Variants in FGFR2 observed in about 807,000 individuals in gnomAD.
FGFR2 encodes fibroblast growth factor receptor 2, also known as BEK fibroblast growth factor receptor.
Under a neutral mutation model 95.9 loss-of-function variants are expected in FGFR2, and 19 were observed. That is an observed-to-expected ratio of 0.20 (90% CI 0.14 to 0.29). The LOEUF is 0.29. FGFR2 is among the 10% of genes least tolerant of loss of function. The pLI, the probability that FGFR2 is intolerant of heterozygous loss-of-function variation, is 1.00. For synonymous variants in FGFR2, 392 were observed against 393.3 expected, an observed-to-expected ratio of 1.00 and a Z score of 0.04; for missense variants, 707 against 1,056.9, an observed-to-expected ratio of 0.67 and a Z score of 4.59.
intron 15 of FGFR2, among the ~76,000 whole-genome samples, chr10:121,487,114 T>C (rs2133819438): frequency 6.6e-6 from 1 of 152,370 alleles, no homozygotes; most frequent in South Asian, 2.1e-4. Context: ...GGGAAGGACT[T>C]CCGCTCTGGC....
chr10:121,571,265 G>C (rs1858648490), intron 2 of FGFR2, among the ~76,000 whole-genome samples: 1 of 144,044 alleles, frequency 6.9e-6, no homozygotes, highest in Non-Finnish European at 1.5e-5. Context: ...AAAGTGCTGG[G>C]ATTACAGGCG....
intron 2 of FGFR2, among the ~76,000 whole-genome samples, chr10:121,593,325 T>G (rs1383262812): frequency 6.6e-6 from 1 of 152,232 alleles, no homozygotes; most frequent in Admixed American, 6.5e-5. Flanking sequence ...TGGTTCATCT[T>G]GTCCGAAAAT....
At chr10:121,498,648 A>G (rs200102695) in intron 11 of FGFR2, 43 bp from the exon 12 acceptor site, 1 of 1,518,878 alleles carries the variant, frequency 6.6e-7, no homozygotes, top group Non-Finnish European at 9.1e-7. Context: ...CATTTCCTCT[A>G]ACTCATGGGC....
At chr10:121,540,095 TGAA>T (rs1853476017) in intron 5 of FGFR2, among the ~76,000 whole-genome samples, 1 of 152,196 alleles carries the variant, frequency 6.6e-6, no homozygotes, top group South Asian at 2.1e-4. Flanking sequence ...GATCACTGGA[TGAA>T]GGTTGGCCTC....
chr10:121,513,434 T>C (rs1242905226), intron 9 of FGFR2, among the ~76,000 whole-genome samples: 3 of 152,180 alleles, frequency 2.0e-5, no homozygotes, highest in Non-Finnish European at 2.9e-5. Flanking sequence ...TAAGGGCATC[T>C]TACCCTTCTA....
At chr10:121,481,572 T>C (rs1283536162) in intron 17 of FGFR2, among the ~76,000 whole-genome samples, 1 of 152,162 alleles carries the variant, frequency 6.6e-6, no homozygotes, top group Non-Finnish European at 1.5e-5. Context: ...ACTTTTTGCT[T>C]ACAATGATAA....
At chr10:121,542,591 A>G (rs562837088) in intron 5 of FGFR2, among the ~76,000 whole-genome samples, 2 of 152,348 alleles carry the variant, frequency 1.3e-5, no homozygotes, top group East Asian at 3.9e-4. Context: ...CTGCCAAGTA[A>G]CAGAACAGGA....
chr10:121,501,969 C>G (rs570708825), intron 10 of FGFR2, among the ~76,000 whole-genome samples: 16 of 152,276 alleles, frequency 1.1e-4, no homozygotes, highest in African/African-American at 3.8e-4. Context: ...TTCTAAATAG[C>G]CTTCATTCAT....
intron 2 of FGFR2, among the ~76,000 whole-genome samples, chr10:121,571,653 A>C (rs1277354641): frequency 6.6e-6 from 1 of 151,886 alleles, no homozygotes; most frequent in Non-Finnish European, 1.5e-5. Context: ...CAAACAAACA[A>C]AAACGACTGG....
At chr10:121,489,110 T>TCGC (rs1268171552) in intron 13 of FGFR2, among the ~76,000 whole-genome samples, 1 of 152,170 alleles carries the variant, frequency 6.6e-6, no homozygotes, top group Non-Finnish European at 1.5e-5. Context: ...CTTGTCCTTG[T>TCGC]CGCCCAGGCT....
intron 10 of FGFR2, among the ~76,000 whole-genome samples, chr10:121,501,652 T>C (rs1250340347): frequency 6.6e-6 from 1 of 152,208 alleles, no homozygotes; most frequent in East Asian, 1.9e-4. Context: ...CAAAAGTCTT[T>C]GGAATACTTA....
intron 11 of FGFR2, among the ~76,000 whole-genome samples, chr10:121,499,036 G>C (rs928021669): frequency 1.3e-5 from 2 of 152,098 alleles, no homozygotes; most frequent in Admixed American, 6.5e-5. Flanking sequence ...CCAGCCCCTC[G>C]AGGCCCTTAG....
intron 11 of FGFR2, among the ~76,000 whole-genome samples, chr10:121,500,560 T>C (rs755435219): frequency 4.6e-5 from 7 of 152,222 alleles, no homozygotes; most frequent in African/African-American, 7.2e-5. Flanking sequence ...GAATGAAGAA[T>C]TGTGGTCACG....
At chr10:121,506,460 C>T (rs1246447175) in intron 9 of FGFR2, among the ~76,000 whole-genome samples, 1 of 152,024 alleles carries the variant, frequency 6.6e-6, no homozygotes, top group Admixed American at 6.5e-5. Context: ...TGGCCTGCAG[C>T]GTAGCCCCTC....
intron 4 of FGFR2, among the ~76,000 whole-genome samples, chr10:121,557,984 G>A (rs969838160): frequency 6.6e-6 from 1 of 152,124 alleles, no homozygotes; most frequent in Non-Finnish European, 1.5e-5. Flanking sequence ...CATCACTCGA[G>A]AGAAAGAACC....
intron 4 of FGFR2, among the ~76,000 whole-genome samples, chr10:121,551,804 G>A (rs3135742): frequency 0.026 from 3,913 of 152,110 alleles, 121 homozygotes; most frequent in East Asian, 0.071. Context: ...AACTGCGACA[G>A]CTCAGTCCTC....
chr10:121,549,689 C>T (rs1048186481), intron 5 of FGFR2, among the ~76,000 whole-genome samples: 1 of 152,156 alleles, frequency 6.6e-6, no homozygotes, highest in Non-Finnish European at 1.5e-5. Context: ...ATGAAGAGGC[C>T]CGTGTGGCAT....
At chr10:121,539,511 C>A (rs551277441) in intron 5 of FGFR2, among the ~76,000 whole-genome samples, 2 of 152,334 alleles carry the variant, frequency 1.3e-5, no homozygotes, top group African/African-American at 2.4e-5. Context: ...TCTCCCCCTG[C>A]TTTTCAAATA....
Position 121,495,828 on chromosome 10 carries a change from C to T in FGFR2, c.1863+704G>A, listed in dbSNP as rs41293769. ...TGCACAGGAGGCAGCTCCGCCCCTC[C>T]GCTTCCCTATGTGTGGGGCTGACAA... On this transcript the variant is annotated intron_variant, in intron 13 of 17. Coordinates refer to ENST00000358487, the MANE Select transcript of FGFR2 (RefSeq NM_000141.5). 3.8e-3 allele frequency among the ~76,000 whole-genome samples: 583 copies of T among 152,354 alleles called. 2 individuals are homozygous for T. Among genetic ancestry groups the T allele is most frequent in the African/African-American group, 0.013 (557 of 41,580 alleles).
Sources: allele counts gnomAD v4.1 joint callset (sites outside exome capture counted in the v4.1 genomes callset), GRCh38; gene constraint gnomAD v4.1.1; transcripts MANE v1.5; gene names NCBI Gene and HGNC (gene_info 2026-07-23, HGNC 2026-07-21).